NSD3: variants seen among roughly 807,000 people sequenced by gnomAD.
The protein encoded by NSD3 is nuclear receptor binding SET domain protein 3.
A neutral mutation model predicts 160.8 loss-of-function variants in NSD3; 24 were observed. The ratio of observed to expected loss-of-function variants is 0.15; its 90% CI spans 0.11 to 0.21. The LOEUF (loss-of-function observed/expected upper bound fraction) is 0.21, where lower values mean the gene tolerates loss of function less well. Among genes scored for constraint, NSD3 ranks in the 10% least tolerant of loss-of-function variants. The pLI is 1.00. For synonymous variants in NSD3, 520 were observed against 600.0 expected, an observed-to-expected ratio of 0.87 and a Z score of 1.95; for missense variants, 1,157 against 1,735.9, an observed-to-expected ratio of 0.67 and a Z score of 5.93.
chr8:38,314,610 T>G (rs758747474), intron 12 of NSD3, 37 bp downstream of exon 12: 2 of 1,613,158 alleles, frequency 1.2e-6, no homozygotes, highest in South Asian at 2.2e-5. Flanking sequence ...CACAATCCCA[T>G]TCATCTTTTC....
intron 3 of NSD3, 139 bp from the exon 4 acceptor site, chr8:38,337,606 C>A (rs1481504708): frequency 1.8e-5 from 13 of 735,586 alleles, no homozygotes; most frequent in Non-Finnish European, 2.1e-5. Flanking sequence ...ATCAGAAATT[C>A]AAAAAAAGAA....
intron 3 of NSD3, 133 bp downstream of exon 3, chr8:38,338,403 C>A: frequency 2.8e-6 from 2 of 716,064 alleles, no homozygotes. Context: ...ATCAAACCAG[C>A]TCCAAGACTT....
chr8:38,292,868 A>G (rs1809034536), intron 16 of NSD3, among the ~76,000 whole-genome samples: 2 of 152,160 alleles, frequency 1.3e-5, no homozygotes, highest in African/African-American at 4.8e-5. Flanking sequence ...GCTACTTGGG[A>G]GGCTGAGGCA....
intron 16 of NSD3, among the ~76,000 whole-genome samples, chr8:38,294,918 C>T (rs1263752980): frequency 1.3e-5 from 2 of 151,432 alleles, no homozygotes; most frequent in Admixed American, 6.6e-5. Flanking sequence ...CCAAGGCAGG[C>T]GGATCACAAG....
At chr8:38,307,308 C>T (rs527403587) in intron 12 of NSD3, among the ~76,000 whole-genome samples, 34 of 151,974 alleles carry the variant, frequency 2.2e-4, no homozygotes, top group Non-Finnish European at 4.0e-4. Flanking sequence ...CCCCAGAATC[C>T]AGAGTAATTG....
intron 1 of NSD3, among the ~76,000 whole-genome samples, chr8:38,363,639 CAA>C (rs768805402): frequency 1.4e-3 from 70 of 48,700 alleles, no homozygotes; most frequent in African/African-American, 4.4e-3. Flanking sequence ...GACTCCGTCT[CAA>C]AAAAAAAAAA....
intron 2 of NSD3, among the ~76,000 whole-genome samples, chr8:38,340,163 G>T (rs544901746): frequency 1.3e-5 from 2 of 151,986 alleles, no homozygotes; most frequent in South Asian, 4.1e-4. Flanking sequence ...TTAGAGAACA[G>T]AATTTAATTT....
Position 38,347,405 on chromosome 8 carries a change from C to A in NSD3, c.675+92G>T, listed in dbSNP as rs1263533383. On this transcript the variant is annotated intron_variant, in intron 2 of 23. Coordinates refer to ENST00000317025, the MANE Select transcript of NSD3 (RefSeq NM_023034.2). Reference sequence around the variant, plus strand: ...GATTAAAGAAGTTATCAGACAGATTCATATTTAAAGAGATAAAAACCAAAA... The same window carrying A: ...GATTAAAGAAGTTATCAGACAGATTAATATTTAAAGAGATAAAAACCAAAA... 1.2e-5 allele frequency: 16 copies of A among 1,337,298 alleles called. No individual in the cohort carries two copies. The South Asian group carries it at 2.3e-4, about 19-fold the overall frequency. The allele number at this position is 1,337,298 out of a possible 1,614,324, so 82.8% of individuals were successfully genotyped here.
intron 4 of NSD3, among the ~76,000 whole-genome samples, chr8:38,334,769 C>CA (rs767186503): frequency 4.1e-5 from 6 of 144,662 alleles, no homozygotes; most frequent in Middle Eastern, 3.5e-3. Flanking sequence ...AACAAACAAA[C>CA]AAAAAAAACA....
At chr8:38,352,557 T>C (rs1453899652) in intron 1 of NSD3, among the ~76,000 whole-genome samples, 1 of 152,190 alleles carries the variant, frequency 6.6e-6, no homozygotes, top group East Asian at 1.9e-4. Context: ...GAACTTGAAT[T>C]TGGATCTAGG....
intron 12 of NSD3, 72 bp downstream of exon 12, chr8:38,314,575 A>C (rs1437731819): frequency 6.3e-6 from 10 of 1,596,872 alleles, no homozygotes; most frequent in Non-Finnish European, 8.5e-6. Context: ...ATGTCCTAGG[A>C]GAGGTTGTCA....
In NSD3 at chr8:38,326,825, CT is replaced by C. The variant is rs1809923664; in HGVS notation, c.1612del (p.Arg538GlyfsTer7). On this transcript the variant is annotated frameshift_variant, in exon 7 of 24. Transcript: ENST00000317025. LOFTEE classifies it high-confidence loss of function. ...GIGNKTEISV[R>X]GQDRLIISTP... ...AGAAATTATAAGCCTGTCTTGCCCC[CT>C]GACACTTATTTCTGTTTTGTTACCA... is the stretch of plus-strand genomic sequence containing the variant. 1 of 1,613,748 alleles carries C rather than the reference CT, an allele frequency of 6.2e-7. No homozygotes were observed. The highest frequency in any genetic ancestry group is 1.3e-5 in the African/African-American group (1 of 74,904).
chr8:38,290,331 A>G, intron 17 of NSD3, 144 bp downstream of exon 17: 1 of 814,274 alleles, frequency 1.2e-6, no homozygotes, highest in Admixed American at 2.0e-5. Flanking sequence ...ACCTGGTTCT[A>G]ATGTGACTGG....
rs769466219 is a variant in NSD3, at chr8:38,329,220, T to G, written c.1581+158A>C. 4.6e-5 allele frequency among the ~76,000 whole-genome samples: 7 copies of G among 152,204 alleles called. No individual in the cohort carries two copies. The highest frequency in any genetic ancestry group is 8.8e-5 in the Non-Finnish European group (6 of 68,038). ...AAAAAGAAGAAAAACATAGCCTTTT[T>G]GCCTGTCTTTTTTGCCCACAGAGTA... On this transcript the variant is annotated intron_variant, in intron 6 of 23. Coordinates refer to ENST00000317025, the MANE Select transcript of NSD3 (RefSeq NM_023034.2). This position sits in a 1 kb window ranked among gnomAD's most constrained non-coding sequence, Gnocchi z 4.8.
At chr8:38,380,842 T>G (rs1811526866) in intron 1 of NSD3, 1 of 152,334 alleles carries the variant, frequency 6.6e-6, no homozygotes, top group East Asian at 1.9e-4. Flanking sequence ...CTGCAGTGCC[T>G]TGGCAGCAAA....
At chr8:38,296,552 A>G (rs1315196733) in intron 15 of NSD3, among the ~76,000 whole-genome samples, 1 of 152,176 alleles carries the variant, frequency 6.6e-6, no homozygotes, top group Non-Finnish European at 1.5e-5. Flanking sequence ...TTTACAGGCT[A>G]TACAGCAGTG....
At position 38,347,893 on chromosome 8, in the gene NSD3, A is replaced by G. The variant is rs1810575000; in HGVS notation, c.279T>C (p.Pro93=). The change falls in exon 2 of 24, where the codon CCT becomes CCC. Residue 93 remains proline (P), a synonymous_variant. Transcript: ENST00000317025. ...QTKYQSYNQY[P]NGSANGFGAV... ...CACCAAAGCCATTGGCTGACCCATT[A>G]GGATACTGATTATATGACTGGTATT... 2 of 1,614,258 alleles carry G rather than the reference A, an allele frequency of 1.2e-6. No individual in the cohort carries two copies. Among genetic ancestry groups the G allele is most frequent in the Non-Finnish European group, 1.7e-6 (2 of 1,180,050 alleles).
chr8:38,284,747 T>C (rs577768108), intron 19 of NSD3, among the ~76,000 whole-genome samples: 46 of 152,382 alleles, frequency 3.0e-4, no homozygotes, highest in African/African-American at 1.1e-3. Flanking sequence ...TCAGCTCTAC[T>C]ACTTCTTTTT....
chr8:38,288,391 T>A lies in NSD3; in HGVS notation c.3501+96A>T. On this transcript the variant is annotated intron_variant, in intron 19 of 23. Coordinates refer to ENST00000317025, the MANE Select transcript of NSD3 (RefSeq NM_023034.2). The surrounding 1 kb of genome is among the most constrained non-coding windows in gnomAD (Gnocchi z 4.5). ...AAAGTTTTAACATTTTACCACAAAT[T>A]CCTGCTGATTTTATCCCTAGAACTA... is the stretch of plus-strand genomic sequence containing the variant. The A allele has an allele frequency of 6.7e-7, 1 of 1,484,694 alleles. No homozygotes were observed. The highest frequency in any genetic ancestry group is 1.4e-5 in the South Asian group (1 of 73,198). 92.0% of individuals were successfully genotyped at this position (1,484,694 alleles called of 1,614,324 possible).
Sources: gnomAD v4.1 joint callset for allele counts (sites outside exome capture counted in the v4.1 genomes callset) on GRCh38, gnomAD v4.1.1 for gene constraint, Gnocchi (gnomAD v3.1) non-coding constraint, MANE v1.5 for transcripts, NCBI Gene and HGNC (gene_info 2026-07-23, HGNC 2026-07-21) for gene names.